C7orf78: variants seen among roughly 807,000 people sequenced by gnomAD.
C7orf78 encodes the protein putative uncharacterized protein C7orf78.
chr7:12,525,867 C>A, the C7orf78 span: 1 of 396,928 alleles, frequency 2.5e-6, no homozygotes, highest in South Asian at 1.3e-4. Context: ...AAAAGGACCC[C>A]TTTGGATTAA....
the C7orf78 span, among the ~76,000 whole-genome samples, chr7:12,514,975 T>G: frequency 6.6e-6 from 1 of 152,214 alleles, no homozygotes; most frequent in South Asian, 2.1e-4. Flanking sequence ...AGGTTTCTGA[T>G]GAGAAATCTG....
At chr7:12,539,186 C>T in the C7orf78 span, among the ~76,000 whole-genome samples, 33 of 152,234 alleles carry the variant, frequency 2.2e-4, no homozygotes, top group East Asian at 1.7e-3. Flanking sequence ...CCTTTAGGGC[C>T]GGGCGCAGTG....
chr7:12,502,656 A>G, the C7orf78 span, among the ~76,000 whole-genome samples: 7 of 152,206 alleles, frequency 4.6e-5, no homozygotes, highest in East Asian at 1.2e-3. Context: ...TAGTTCAACC[A>G]TTGTAGAAGT....
the C7orf78 span, among the ~76,000 whole-genome samples, chr7:12,517,249 A>G: frequency 6.6e-6 from 1 of 152,090 alleles, no homozygotes; most frequent in East Asian, 1.9e-4. Context: ...CCGCTTTTGC[A>G]TCTTTCTCAT....
the C7orf78 span, among the ~76,000 whole-genome samples, chr7:12,509,913 A>T: frequency 6.6e-6 from 1 of 151,934 alleles, no homozygotes; most frequent in Admixed American, 6.6e-5. Context: ...GGGTGCCTGT[A>T]ATCCCAGCTA....
At chr7:12,510,465 T>C in the C7orf78 span, among the ~76,000 whole-genome samples, 1 of 152,226 alleles carries the variant, frequency 6.6e-6, no homozygotes, top group East Asian at 1.9e-4. Context: ...ATGGTAGTTC[T>C]GTTTTTACTT....
chr7:12,503,158 C>T, the C7orf78 span, among the ~76,000 whole-genome samples: 4 of 135,636 alleles, frequency 2.9e-5, no homozygotes, highest in East Asian at 8.3e-4. Flanking sequence ...GGGTGCAGCA[C>T]ACCAGCATGG....
the C7orf78 span, chr7:12,483,533 C>T: frequency 6.6e-5 from 10 of 152,084 alleles, no homozygotes; most frequent in African/African-American, 2.4e-4. Flanking sequence ...GATGTTTTAA[C>T]TCATTGCTGA....
At chr7:12,529,566 G>A in the C7orf78 span, among the ~76,000 whole-genome samples, 1 of 152,212 alleles carries the variant, frequency 6.6e-6, no homozygotes, top group Non-Finnish European at 1.5e-5. Flanking sequence ...TGTGGCCCAA[G>A]GTGGTTAGTT....
the C7orf78 span, among the ~76,000 whole-genome samples, chr7:12,511,918 ATTTTTTTTT>A: frequency 2.5e-4 from 20 of 80,564 alleles, no homozygotes; most frequent in South Asian, 9.7e-4. Flanking sequence ...CACCTGGCTA[ATTTTTTTTT>A]TTTTTTTTTT....
the C7orf78 span, among the ~76,000 whole-genome samples, chr7:12,527,681 C>T: frequency 6.0e-4 from 83 of 138,612 alleles, no homozygotes; most frequent in Middle Eastern, 4.4e-3. Context: ...GTGTCACTCA[C>T]TTTGGTAGAA....
the C7orf78 span, among the ~76,000 whole-genome samples, chr7:12,529,814 G>A: frequency 3.7e-4 from 57 of 152,324 alleles, no homozygotes; most frequent in Non-Finnish European, 1.5e-5. Context: ...GTGTTAGACG[G>A]CATCTTTTAT....
At chr7:12,526,063 G>A in the C7orf78 span, among the ~76,000 whole-genome samples, 11 of 151,862 alleles carry the variant, frequency 7.2e-5, no homozygotes, top group Non-Finnish European at 8.8e-5. Context: ...GCAACAATAC[G>A]TTTACTTTTC....
the C7orf78 span, among the ~76,000 whole-genome samples, chr7:12,510,872 T>C: frequency 6.6e-6 from 1 of 152,204 alleles, no homozygotes; most frequent in Non-Finnish European, 1.5e-5. Context: ...TATTTTGCTG[T>C]GCAGAGCCTT....
At chr7:12,537,658 T>G in the C7orf78 span, among the ~76,000 whole-genome samples, 1 of 152,206 alleles carries the variant, frequency 6.6e-6, no homozygotes, top group Non-Finnish European at 1.5e-5. Flanking sequence ...TATATTTGTA[T>G]GCACTAAAAG....
the C7orf78 span, among the ~76,000 whole-genome samples, chr7:12,511,900 C>T: frequency 2.0e-5 from 3 of 150,030 alleles, no homozygotes; most frequent in African/African-American, 7.3e-5. Flanking sequence ...TACAGGCGCC[C>T]ACCACCACAC....
At chr7:12,510,795 C>T in the C7orf78 span, among the ~76,000 whole-genome samples, 82 of 152,184 alleles carry the variant, frequency 5.4e-4, no homozygotes, top group African/African-American at 1.9e-3. Flanking sequence ...TGGATATTAG[C>T]TTTCTGTTGG....
the C7orf78 span, among the ~76,000 whole-genome samples, chr7:12,523,941 A>T: frequency 1.3e-5 from 2 of 152,228 alleles, no homozygotes; most frequent in Admixed American, 1.3e-4. Context: ...AGATAAGGTC[A>T]AATATTTATG....
At chr7:12,537,318 C>T in the C7orf78 span, among the ~76,000 whole-genome samples, 1 of 152,316 alleles carries the variant, frequency 6.6e-6, no homozygotes, top group African/African-American at 2.4e-5. Flanking sequence ...GCCATCAGAT[C>T]TCGTGAGACT....
Sources: gnomAD v4.1 joint callset for allele counts (sites outside exome capture counted in the v4.1 genomes callset) on GRCh38, gnomAD v4.1.1 for gene constraint, MANE v1.5 for transcripts, NCBI Gene and HGNC (gene_info 2026-07-23, HGNC 2026-07-21) for gene names.